Variants in PRDM11 observed in about 807,000 individuals in gnomAD.
PRDM11 encodes the protein PR domain-containing protein 11.
In PRDM11, 20 loss-of-function variants were observed where a neutral mutation model predicts 97.8. That is an observed-to-expected ratio of 0.20 (90% CI 0.14 to 0.30). PRDM11 has a LOEUF of 0.30. PRDM11 is among the 10% of genes least tolerant of loss of function. PRDM11 has a pLI of 1.00. For synonymous variants in PRDM11, 599 were observed against 637.7 expected (o/e 0.94, Z 0.91); for missense variants, 1,139 against 1,555.2 (o/e 0.73, Z 4.50).
Position 45,182,274 on chromosome 11 carries a change from G to A in PRDM11, c.148G>A (p.Glu50Lys), listed in dbSNP as rs761645942. Residue 50 changes from glutamate (E) to lysine (K), a missense_variant, in exon 3 of 8, where the codon GAA (glutamate) becomes AAA (lysine). Transcript: ENST00000683152. ...CSRRPDSSAM[E>K]VEPKKLKGKR... ...TAGGAGACCGGACTCCTCGGCCATG[G>A]AAGTTGAGCCCAAGAAACTGAAGGG... The A allele has an allele frequency of 3.1e-6, 5 of 1,613,916 alleles. No homozygotes were observed. In the South Asian group the frequency reaches 5.5e-5, roughly 18 times the overall value.
intron 1 of PRDM11, among the ~76,000 whole-genome samples, chr11:45,159,902 A>G (rs1193514122): frequency 6.6e-6 from 1 of 152,182 alleles, no homozygotes; most frequent in Non-Finnish European, 1.5e-5. Flanking sequence ...GGCTGCAGAA[A>G]CAGAATGGGC....
intron 1 of PRDM11, among the ~76,000 whole-genome samples, chr11:45,131,812 AT>A (rs1285251356): frequency 6.6e-6 from 1 of 152,244 alleles, no homozygotes; most frequent in Non-Finnish European, 1.5e-5. Context: ...ATAAGGGCAG[AT>A]TATTATCTCA....
Position 45,228,895 on chromosome 11 carries a change from C to G in PRDM11, c.*736C>G, listed in dbSNP as rs755807724. ...TTGTGGATCCCTTCCTTCCAGCCCCCCCTGGAAACTCACAATATTACCCAT... is the reference window on the plus strand; with the variant it reads ...TTGTGGATCCCTTCCTTCCAGCCCCGCCTGGAAACTCACAATATTACCCAT... On this transcript the variant is annotated 3_prime_UTR_variant, in exon 8 of 8. Transcript: ENST00000683152. The G allele has an allele frequency of 1.3e-5, 2 of 152,356 alleles. No individual in the cohort carries two copies. The highest frequency in any genetic ancestry group is 4.8e-5 in the African/African-American group (2 of 41,556). 9.4% of individuals were successfully genotyped at this position (152,356 alleles called of 1,614,324 possible). A position where few individuals can be genotyped will look rare whatever the true frequency, so the allele number is the denominator to read the frequency against.
At chr11:45,123,559 A>T (rs986556795) in intron 1 of PRDM11, among the ~76,000 whole-genome samples, 2 of 152,162 alleles carry the variant, frequency 1.3e-5, no homozygotes, top group African/African-American at 4.8e-5. Context: ...AGCTTTCTAC[A>T]TATGGCTAGC....
intron 4 of PRDM11, among the ~76,000 whole-genome samples, chr11:45,192,128 C>T (rs1294732658): frequency 2.0e-5 from 3 of 152,020 alleles, no homozygotes; most frequent in African/African-American, 7.3e-5. Context: ...ATGTCAGAAA[C>T]TGAGGGAACG....
At chr11:45,114,742 G>T (rs759214294) in intron 1 of PRDM11, among the ~76,000 whole-genome samples, 1 of 152,002 alleles carries the variant, frequency 6.6e-6, no homozygotes, top group Non-Finnish European at 1.5e-5. Context: ...AGGAACACTT[G>T]CATGAAGAAT....
intron 5 of PRDM11, chr11:45,212,620 A>C (rs1291803528): frequency 2.2e-6 from 1 of 456,340 alleles, no homozygotes; most frequent in Admixed American, 2.3e-5. Context: ...GCCCCAAGCC[A>C]GAGGCCCTGC....
At chr11:45,160,073 A>T (rs1025378287) in intron 1 of PRDM11, among the ~76,000 whole-genome samples, 12 of 152,186 alleles carry the variant, frequency 7.9e-5, no homozygotes, top group Admixed American at 5.2e-4. Flanking sequence ...TCCTTATAGC[A>T]ACTCTTGATG....
chr11:45,104,599 A>G (rs533858818), intron 1 of PRDM11, among the ~76,000 whole-genome samples: 1 of 152,224 alleles, frequency 6.6e-6, no homozygotes, highest in South Asian at 2.1e-4. Context: ...GCTATGACCC[A>G]TCTCCCACCT....
intron 1 of PRDM11, among the ~76,000 whole-genome samples, chr11:45,155,299 G>A (rs1851765522): frequency 6.6e-6 from 1 of 152,216 alleles, no homozygotes; most frequent in Non-Finnish European, 1.5e-5. Flanking sequence ...GGCCGGCTTG[G>A]GAGGCTCCAC....
intron 1 of PRDM11, among the ~76,000 whole-genome samples, chr11:45,097,171 G>A (rs1359975212): frequency 1.3e-5 from 2 of 152,180 alleles, no homozygotes; most frequent in East Asian, 3.9e-4. Flanking sequence ...GCATCCTGGT[G>A]ACTTAATGCA....
intron 5 of PRDM11, among the ~76,000 whole-genome samples, chr11:45,218,940 G>C (rs1300852681): frequency 2.0e-5 from 3 of 152,226 alleles, no homozygotes; most frequent in African/African-American, 7.2e-5. Flanking sequence ...GCCTCTCTGA[G>C]CCTCAGTCTC....
upstream of PRDM11, among the ~76,000 whole-genome samples, chr11:45,146,493 TC>T (rs903418700): frequency 1.8e-4 from 27 of 151,780 alleles, no homozygotes; most frequent in African/African-American, 6.3e-4. Flanking sequence ...AGAGCCGGGT[TC>T]CCCCCTCCGG....
At chr11:45,224,995 C>A in intron 7 of PRDM11, 152 bp downstream of exon 7, 1 of 1,497,800 alleles carries the variant, frequency 6.7e-7, no homozygotes. Context: ...GAGCCCAGGT[C>A]CTCAGTGTCT....
At chr11:45,096,506 G>A (rs1851888728) in intron 1 of PRDM11, among the ~76,000 whole-genome samples, 1 of 152,200 alleles carries the variant, frequency 6.6e-6, no homozygotes, top group Admixed American at 6.5e-5. Context: ...TGGGGGTGCA[G>A]GCAGGGTCCT....
intron 1 of PRDM11, among the ~76,000 whole-genome samples, chr11:45,127,736 G>A (rs11038316): frequency 0.43 from 66,111 of 152,110 alleles, 17,322 homozygotes; most frequent in Non-Finnish European, 0.58. Context: ...AGGAGTACCC[G>A]GCCCTGTGAG....
chr11:45,165,422 C>T (rs1396511166), intron 1 of PRDM11, among the ~76,000 whole-genome samples: 4 of 152,208 alleles, frequency 2.6e-5, no homozygotes, highest in African/African-American at 9.7e-5. Context: ...TGGTGAGTCC[C>T]CAGCCCAGCA....
intron 1 of PRDM11, among the ~76,000 whole-genome samples, chr11:45,151,184 G>GC (rs1851651022): frequency 6.6e-6 from 1 of 152,172 alleles, no homozygotes; most frequent in African/African-American, 2.4e-5. Flanking sequence ...TGGTGCCAGG[G>GC]CTGGTCTAAA....
intron 1 of PRDM11, among the ~76,000 whole-genome samples, chr11:45,122,138 TA>T (rs1316645733): frequency 6.6e-6 from 1 of 151,048 alleles, no homozygotes; most frequent in Admixed American, 6.6e-5. Context: ...GTTAGGCCTT[TA>T]AATAAGTAAA....
Sources: allele counts gnomAD v4.1 joint callset (sites outside exome capture counted in the v4.1 genomes callset), GRCh38; gene constraint gnomAD v4.1.1; transcripts MANE v1.5; gene names NCBI Gene and HGNC (gene_info 2026-07-23, HGNC 2026-07-21).